The following RTEL1 variants were observed in gnomAD, a reference collection of about 807,000 sequenced individuals.
RTEL1 encodes the protein regulator of telomere length.
In RTEL1, 86 loss-of-function variants were observed where a neutral mutation model predicts 162.2. That is an observed-to-expected ratio of 0.53 (90% CI 0.45 to 0.63). The LOEUF (loss-of-function observed/expected upper bound fraction) is 0.63. Among genes scored for constraint, RTEL1 ranks in the 30% least tolerant of loss-of-function variants. The pLI is 0.00. For missense variants in RTEL1, 1,941 were observed against 1,750.2 expected, an observed-to-expected ratio of 1.11 and a Z score of -1.95; for synonymous variants, 958 against 717.9, an observed-to-expected ratio of 1.33 and a Z score of -5.35.
At position 63,683,870 on chromosome 20, in the gene RTEL1, A is replaced by T. The variant is rs6010626; in HGVS notation, c.1192-1653A>T. ...AGTTCTGAGGATCCCATATACATAT[A>T]CTCTCTGTAAGTTCTGAGGATCCCA... is the stretch of plus-strand genomic sequence containing the variant. On this transcript the variant is annotated intron_variant, in intron 14 of 34. Coordinates refer to ENST00000360203, the MANE Select transcript of RTEL1 (RefSeq NM_001283009.2). 2.5e-3 allele frequency among the ~76,000 whole-genome samples: 33 copies of T among 13,094 alleles called. No homozygotes were observed. The African/African-American group carries it at 0.026, about 10-fold the overall frequency. 8.6% of individuals were successfully genotyped at this position (13,094 alleles called of 152,430 possible).
intron 30 of RTEL1, among the ~76,000 whole-genome samples, chr20:63,693,498 T>TCCACCA (rs1568720358): frequency 2.3e-4 from 1 of 4,406 alleles, no homozygotes; most frequent in African/African-American, 1.5e-3. Flanking sequence ...CACCTCCACC[T>TCCACCA]CCACCACCAC....
intron 27 of RTEL1, 74 bp downstream of exon 27, chr20:63,691,021 C>A: frequency 1.4e-6 from 2 of 1,420,606 alleles, no homozygotes; most frequent in Non-Finnish European, 1.9e-6. Context: ...CCCATCTGGC[C>A]TCAGGCACCT....
In RTEL1 at chr20:63,688,323, C is replaced by A. The variant is rs758544821; in HGVS notation, c.1659C>A (p.Pro553=). ...CAGGCAACATCGCCCGCGTGGTGCC[C>A]TATGGGCTCCTGATCTTCTTCCCTT... is the stretch of plus-strand genomic sequence containing the variant. ...KALGNIARVV[P]YGLLIFFPSY... Residue 553 remains proline, a synonymous_variant, in exon 20 of 35, where the codon CCC becomes CCA. Transcript: ENST00000360203. 31 of 1,612,484 alleles carry A rather than the reference C, an allele frequency of 1.9e-5. No individual in the cohort carries two copies. Among genetic ancestry groups the A allele is most frequent in the Middle Eastern group, 3.3e-4 (2 of 6,080 alleles).
In RTEL1 at chr20:63,695,960, C is replaced by T; in HGVS notation, c.*102C>T. On this transcript the variant is annotated 3_prime_UTR_variant, in exon 35 of 35. Coordinates refer to ENST00000360203, the MANE Select transcript of RTEL1 (RefSeq NM_001283009.2). ...CCCAACAGAATAGGCCAGCCCATGC[C>T]AGCCGGCTTGGCCCGCTGCAGGCCT... 1 of 1,239,292 alleles carries T rather than the reference C, an allele frequency of 8.1e-7. No individual in the cohort carries two copies. Among genetic ancestry groups the T allele is most frequent in the Non-Finnish European group, 1.1e-6 (1 of 895,176 alleles). The allele number at this position is 1,239,292 out of a possible 1,614,324, so 76.8% of individuals were successfully genotyped here.
At chr20:63,672,517 G>GT in intron 8 of RTEL1, 39 bp from the exon 9 acceptor site, 1 of 1,517,082 alleles carries the variant, frequency 6.6e-7, no homozygotes, top group Non-Finnish European at 9.0e-7. Flanking sequence ...CCCGGCCTCT[G>GT]TGAGCTCCAG....
Position 63,687,775 on chromosome 20 carries a change from G to C in RTEL1, c.1481+5G>C. The C allele has an allele frequency of 6.4e-7, 1 of 1,566,866 alleles. No homozygotes were observed. Among genetic ancestry groups the C allele is most frequent in the Non-Finnish European group, 8.6e-7 (1 of 1,156,576 alleles). On this transcript the variant is annotated splice_donor_5th_base_variant and intron_variant, in intron 17 of 34. Coordinates refer to ENST00000360203, the MANE Select transcript of RTEL1 (RefSeq NM_001283009.2). ...CTTTGCTCTGGAGATGCAGATGTAC[G>C]GGCCACCCCTGCCAGGGCCTGAGCA...
At chr20:63,693,468 T>TCCACCACCAGCACCAGCAGCA (rs1568720038) in intron 30 of RTEL1, among the ~76,000 whole-genome samples, 185 bp downstream of exon 30, 1 of 9,750 alleles carries the variant, frequency 1.0e-4, no homozygotes, top group Non-Finnish European at 2.1e-4. Flanking sequence ...CACCTCCACC[T>TCCACCACCAGCACCAGCAGCA]CCACCTCCAC....
At chr20:63,690,489 GCGGCGTGGGGC>G in intron 26 of RTEL1, 48 bp downstream of exon 26, 23 of 1,371,650 alleles carry the variant, frequency 1.7e-5, no homozygotes, top group Non-Finnish European at 2.2e-5. Flanking sequence ...GGCGGAGCGG[GCGGCGTGGGGC>G]GGGCAGCACC....
rs1184027141 is a variant in RTEL1 at position 63,692,793 on chromosome 20, T to C, written c.2653-12T>C. 4.4e-6 allele frequency: 7 copies of C among 1,606,984 alleles called. No individual in the cohort carries two copies. In the Admixed American group the frequency reaches 8.4e-5, roughly 19 times the overall value. On this transcript the variant is annotated splice_polypyrimidine_tract_variant and intron_variant, in intron 28 of 34. Coordinates refer to ENST00000360203, the MANE Select transcript of RTEL1 (RefSeq NM_001283009.2). The stretch of plus-strand genomic sequence containing the variant: ...GCTGGCCCTGATGGAGCCTCGGGCC[T>C]GTGTCCTGCAGGAGGAGCCCGTGGC...
intron 14 of RTEL1, among the ~76,000 whole-genome samples, chr20:63,683,573 G>T (rs374467204): frequency 6.6e-6 from 1 of 152,218 alleles, no homozygotes; most frequent in Admixed American, 6.5e-5. Context: ...TGTTCCAGCC[G>T]TGGTGTCTGC....
chr20:63,679,750 G>GT (rs1227625105), intron 12 of RTEL1, 99 bp from the exon 13 acceptor site: 2 of 874,682 alleles, frequency 2.3e-6, no homozygotes, highest in African/African-American at 3.3e-5. Context: ...GACCAGTGTC[G>GT]TCCCCCCTCA....
chr20:63,666,787 C>T (rs2090137215), intron 7 of RTEL1, among the ~76,000 whole-genome samples: 1 of 151,968 alleles, frequency 6.6e-6, no homozygotes, highest in Admixed American at 6.6e-5. Context: ...GCCTTGGCCT[C>T]CCAAAGTGCT....
Position 63,667,449 on chromosome 20 carries a change from T to C in RTEL1, c.615-20T>C. ...CCCTGCATGGGGTGCTCACAGGATC[T>C]TCTCCTCTCTCCTTCCCAGGGTGTG... On this transcript the variant is annotated intron_variant, in intron 7 of 34. Coordinates refer to ENST00000360203, the MANE Select transcript of RTEL1 (RefSeq NM_001283009.2). 6.2e-7 allele frequency: 1 copy of C among 1,602,554 alleles called. No homozygotes were observed. The highest frequency in any genetic ancestry group is 8.5e-7 in the Non-Finnish European group (1 of 1,169,674).
intron 29 of RTEL1, 31 bp downstream of exon 29, chr20:63,693,034 G>A: frequency 1.2e-6 from 2 of 1,611,340 alleles, no homozygotes; most frequent in Non-Finnish European, 8.5e-7. Flanking sequence ...CACCCACCCT[G>A]AGGGCAGTGC....
At chr20:63,674,168 G>C in intron 10 of RTEL1, 75 bp downstream of exon 10, 2 of 1,530,072 alleles carry the variant, frequency 1.3e-6, no homozygotes, top group Non-Finnish European at 1.8e-6. Flanking sequence ...AGTTCAGCAC[G>C]GACTCCCCCA....
At chr20:63,690,477 G>A (rs925110781) in intron 26 of RTEL1, 36 bp downstream of exon 26, 3 of 1,509,608 alleles carry the variant, frequency 2.0e-6, no homozygotes, top group African/African-American at 1.4e-5. Context: ...CGGTGTGGGG[G>A]TGGCGGAGCG....
intron 2 of RTEL1, among the ~76,000 whole-genome samples, chr20:63,660,385 C>T (rs1002220301): frequency 3.9e-5 from 6 of 152,214 alleles, no homozygotes; most frequent in Non-Finnish European, 7.3e-5. Flanking sequence ...TGCGGCTTTC[C>T]GCAGTGCATC....
chr20:63,693,405 A>C, intron 30 of RTEL1, 122 bp downstream of exon 30: 4 of 1,162,384 alleles, frequency 3.4e-6, no homozygotes, highest in Non-Finnish European at 4.9e-6. Flanking sequence ...CTGTTCCCCT[A>C]TGGGAGTGAT....
chr20:63,662,529 G>A lies in RTEL1; in HGVS notation c.396-17G>A. The A allele has an allele frequency of 6.2e-6, 10 of 1,613,776 alleles. No individual in the cohort carries two copies. The highest frequency in any genetic ancestry group is 8.5e-6 in the Non-Finnish European group (10 of 1,179,946). ...GGAGACAGCTCCTCCTCGACCCACG[G>A]TGCTCTCTCCCACCAGGCCTAAGGT... On this transcript the variant is annotated splice_polypyrimidine_tract_variant and intron_variant, in intron 4 of 34. Transcript: ENST00000360203.
Sources: gnomAD v4.1 joint callset for allele counts (sites outside exome capture counted in the v4.1 genomes callset) on GRCh38, gnomAD v4.1.1 for gene constraint, MANE v1.5 for transcripts, NCBI Gene and HGNC (gene_info 2026-07-23, HGNC 2026-07-21) for gene names.